Variants in OR4D9 observed in about 807,000 individuals in gnomAD.
OR4D9 encodes olfactory receptor family 4 subfamily D member 9, also known as olfactory receptor 4D9.
Under a neutral mutation model 0.8 loss-of-function variants are expected in OR4D9, and 2 were observed. The observed-to-expected ratio is 2.58, with a 90% CI of 1.06 to 8.13. The LOEUF is 8.13. Among genes scored for constraint, OR4D9 ranks in the 30% most tolerant of loss-of-function variants. The pLI, the probability that OR4D9 is intolerant of heterozygous loss-of-function variation, is 0.04. For synonymous variants in OR4D9, 146 were observed against 151.2 expected (o/e 0.97, Z 0.25); for missense variants, 399 against 384.7 (o/e 1.04, Z -0.31).
In OR4D9 at chr11:59,515,779, G is replaced by A; in HGVS notation, c.867G>A (p.Leu289=). 6.2e-7 allele frequency: 1 copy of A among 1,614,140 alleles called. No homozygotes were observed. The highest frequency in any genetic ancestry group is 8.5e-7 in the Non-Finnish European group (1 of 1,180,014). Residue 289 remains leucine (L), a synonymous_variant, in exon 3 of 3, where the codon CTG becomes CTA. Coordinates refer to ENST00000641962, the MANE Select transcript of OR4D9 (RefSeq NM_001004711.2). The stretch of plus-strand genomic sequence containing the variant: ...TGCTCAATCCTATAATTTACACGCT[G>A]AGGAATCAGGAAATGAAGTTGGCCA... ...SPLLNPIIYT[L]RNQEMKLAMR...
Position 59,515,282 on chromosome 11 carries a change from AT to A in OR4D9, c.371del (p.Ile124LysfsTer10), listed in dbSNP as rs1367410753. On this transcript the variant is annotated frameshift_variant, in exon 3 of 3. Transcript: ENST00000641962. LOFTEE classifies it low-confidence loss of function (END_TRUNC). ...CTCTGTGATGGCGTTTGACCGCTAT[AT>A]AGCCATCTCCAAGCCCCTGCACTAT... is the stretch of plus-strand genomic sequence containing the variant. ...SLSVMAFDRYIAISKPLHYMT... is the reference protein window; with the variant it reads ...SLSVMAFDRYXAISKPLHYMT... 2 of 1,612,652 alleles carry A rather than the reference AT, an allele frequency of 1.2e-6. No homozygotes were observed. Among genetic ancestry groups the A allele is most frequent in the Admixed American group, 3.3e-5 (2 of 59,814 alleles).
rs1231925529 is a variant in OR4D9, at chr11:59,515,888, A to G, written c.*31A>G. 1 of 1,471,316 alleles carries G rather than the reference A, an allele frequency of 6.8e-7. No individual in the cohort carries two copies. Among genetic ancestry groups the G allele is most frequent in the South Asian group, 1.3e-5 (1 of 76,532 alleles). 91.1% of individuals were successfully genotyped at this position (1,471,316 alleles called of 1,614,324 possible). A position where few individuals can be genotyped will look rare whatever the true frequency, so the allele number is the denominator to read the frequency against. On this transcript the variant is annotated 3_prime_UTR_variant, in exon 3 of 3. Coordinates refer to ENST00000641962, the MANE Select transcript of OR4D9 (RefSeq NM_001004711.2). ...AGATAGTACCCATATTTAAAGATAG[A>G]CATTAAATTTCACTTTCTCAAAATG... is the stretch of plus-strand genomic sequence containing the variant.
intron 1 of OR4D9, among the ~76,000 whole-genome samples, chr11:59,512,291 TTC>T (rs1859336916): frequency 1.4e-5 from 2 of 144,442 alleles, no homozygotes; most frequent in South Asian, 4.5e-4. Flanking sequence ...ATGATTTTTT[TTC>T]TTTTTTCTTT....
rs1334816181 is a variant in OR4D9, at chr11:59,517,693, TG to T, written c.*1838del. The T allele has an allele frequency of 6.6e-6, 1 of 152,036 alleles. No homozygotes were observed. Among genetic ancestry groups the T allele is most frequent in the Non-Finnish European group, 1.5e-5 (1 of 68,034 alleles). 9.4% of individuals were successfully genotyped at this position (152,036 alleles called of 1,614,324 possible). On this transcript the variant is annotated 3_prime_UTR_variant, in exon 3 of 3. Transcript: ENST00000641962. ...AAAAATACAAAAATTAAGCCGGGTGTGGTGGTAAGCGCCTGTAATCCCAGCT... is the reference window on the plus strand; with the variant it reads ...AAAAATACAAAAATTAAGCCGGGTGTGTGGTAAGCGCCTGTAATCCCAGCT...
chr11:59,513,383 C>A (rs1421814858), intron 1 of OR4D9, among the ~76,000 whole-genome samples: 1 of 152,156 alleles, frequency 6.6e-6, no homozygotes, highest in African/African-American at 2.4e-5. Context: ...GCAGAATATG[C>A]CTACTGGTGT....
In OR4D9 at chr11:59,515,122, C is replaced by A. The variant is rs147488493; in HGVS notation, c.210C>A (p.Asp70Glu). 1 of 1,614,160 alleles carries A rather than the reference C, an allele frequency of 6.2e-7. No individual in the cohort carries two copies. Among genetic ancestry groups the A allele is most frequent in the Non-Finnish European group, 8.5e-7 (1 of 1,180,008 alleles). The stretch of plus-strand genomic sequence containing the variant: ...TGCTCCGCAACCTGTCTATTCTTGA[C>A]ATCTGCTTTTCCTCCATCACAGCTC... ...YFLLRNLSIL[D>E]ICFSSITAPK... The change falls in exon 3 of 3, where the codon GAC becomes GAA. Residue 70 changes from aspartate (D) to glutamate (E), a missense_variant. Physicochemically the swap from Asp to Glu is conservative, Grantham distance 45 (BLOSUM62 2). Transcript: ENST00000641962.
intron 1 of OR4D9, among the ~76,000 whole-genome samples, chr11:59,513,990 A>C (rs1859366247): frequency 6.6e-6 from 1 of 152,124 alleles, no homozygotes; most frequent in Non-Finnish European, 1.5e-5. Flanking sequence ...AAAAAATAAC[A>C]GTGCTGCTAT....
In OR4D9 at chr11:59,515,501, C is replaced by A. The variant is rs1466644804; in HGVS notation, c.589C>A (p.Leu197Ile). The change falls in exon 3 of 3, where the codon CTC becomes ATC. Residue 197 changes from leucine to isoleucine, a missense_variant. Coordinates refer to ENST00000641962, the MANE Select transcript of OR4D9 (RefSeq NM_001004711.2). Reference sequence around the variant, plus strand: ...CTGCACTGACACCTTCACTCTGGAGCTCCTGATGATTTCAAATAATGGGTT... The same window carrying A: ...CTGCACTGACACCTTCACTCTGGAGATCCTGATGATTTCAAATAATGGGTT... ...LACTDTFTLE[L>I]LMISNNGLVS... 6.2e-7 allele frequency: 1 copy of A among 1,614,038 alleles called. No homozygotes were observed. The highest frequency in any genetic ancestry group is 8.5e-7 in the Non-Finnish European group (1 of 1,180,020).
In OR4D9 at chr11:59,519,207, G is replaced by T. The variant is rs772513895; in HGVS notation, c.*3350G>T. The T allele has an allele frequency of 1.3e-4, 20 of 152,064 alleles. No individual in the cohort carries two copies. Among genetic ancestry groups the T allele is most frequent in the Non-Finnish European group, 2.8e-4 (19 of 68,104 alleles). 9.4% of individuals were successfully genotyped at this position (152,064 alleles called of 1,614,324 possible). On this transcript the variant is annotated 3_prime_UTR_variant, in exon 3 of 3. Transcript: ENST00000641962. Reference sequence around the variant, plus strand: ...ATCTCTACAAAAAATATAAAAATTAGCAGAGCATGGTGGCACACGCCTGTA... The same window carrying T: ...ATCTCTACAAAAAATATAAAAATTATCAGAGCATGGTGGCACACGCCTGTA...
rs1200188709 is a variant in OR4D9, at chr11:59,520,698, T to G, written c.*4841T>G. 2 of 152,064 alleles carry G rather than the reference T, an allele frequency of 1.3e-5. No individual in the cohort carries two copies. The highest frequency in any genetic ancestry group is 1.5e-5 in the Non-Finnish European group (1 of 68,008). The allele number at this position is 152,064 out of a possible 1,614,324, so 9.4% of individuals were successfully genotyped here. A position where few individuals can be genotyped will look rare whatever the true frequency, so the allele number is the denominator to read the frequency against. On this transcript the variant is annotated 3_prime_UTR_variant, in exon 3 of 3. Transcript: ENST00000641962. ...CTTTTCCTTGCAATGATTGTTACAATGTGCTTTGGACAAGGCAATTTTATA... is the reference window on the plus strand; with the variant it reads ...CTTTTCCTTGCAATGATTGTTACAAGGTGCTTTGGACAAGGCAATTTTATA...
At chr11:59,513,358 A>C (rs1859355457) in intron 1 of OR4D9, among the ~76,000 whole-genome samples, 1 of 152,132 alleles carries the variant, frequency 6.6e-6, no homozygotes, top group South Asian at 2.1e-4. Context: ...CAACTCAATG[A>C]ATGTTTTTAC....
intron 1 of OR4D9, among the ~76,000 whole-genome samples, chr11:59,512,862 C>T (rs1590636168): frequency 6.6e-6 from 1 of 152,070 alleles, no homozygotes; most frequent in African/African-American, 2.4e-5. Flanking sequence ...AAAATGTTTA[C>T]TCTCAGATGA....
At chr11:59,514,525 G>A (rs1420411158) in intron 1 of OR4D9, 148 bp from the exon 2 acceptor site, 1 of 162,276 alleles carries the variant, frequency 6.2e-6, no homozygotes, top group African/African-American at 2.4e-5. Context: ...TCCATTTGCA[G>A]GTTATCTTTG....
At position 59,515,459 on chromosome 11, in the gene OR4D9, C is replaced by A. The variant is rs1209097004; in HGVS notation, c.547C>A (p.Gln183Lys). Residue 183 changes from glutamine to lysine, a missense_variant, in exon 3 of 3, where the codon CAG becomes AAG. By Grantham distance (53) the Gln-to-Lys change is moderately conservative (BLOSUM62 1). Transcript: ENST00000641962. ...TGACACTTTCTACTGCGATGTCCCC[C>A]AGGTCCTCAAACTTGCCTGCACTGA... is the stretch of plus-strand genomic sequence containing the variant. ...VLDTFYCDVPQVLKLACTDTF... is the reference protein window; with the variant it reads ...VLDTFYCDVPKVLKLACTDTF... 3.7e-6 allele frequency: 6 copies of A among 1,614,044 alleles called. No individual in the cohort carries two copies. The highest frequency in any genetic ancestry group is 5.1e-6 in the Non-Finnish European group (6 of 1,180,028).
chr11:59,515,772 A>G lies in OR4D9; in HGVS notation c.860A>G (p.Tyr287Cys). Residue 287 changes from tyrosine to cysteine, a missense_variant, in exon 3 of 3, where the codon TAC (tyrosine) becomes TGC (cysteine). By Grantham distance (194) the Tyr-to-Cys change is radical. Coordinates refer to ENST00000641962, the MANE Select transcript of OR4D9 (RefSeq NM_001004711.2). ...VISPLLNPII[Y>C]TLRNQEMKLA... Reference sequence around the variant, plus strand: ...TCCCCTTTGCTCAATCCTATAATTTACACGCTGAGGAATCAGGAAATGAAG... The same window carrying G: ...TCCCCTTTGCTCAATCCTATAATTTGCACGCTGAGGAATCAGGAAATGAAG... The G allele has an allele frequency of 6.2e-7, 1 of 1,614,142 alleles. No individual in the cohort carries two copies. The highest frequency in any genetic ancestry group is 8.5e-7 in the Non-Finnish European group (1 of 1,180,024).
rs1483444589 is a variant in OR4D9, at chr11:59,515,864, G to A, written c.*7G>A. On this transcript the variant is annotated 3_prime_UTR_variant, in exon 3 of 3. Transcript: ENST00000641962. Reference sequence around the variant, plus strand: ...AAGGATTTTAATTCAATAAGGGTAAGATAGTACCCATATTTAAAGATAGAC... The same window carrying A: ...AAGGATTTTAATTCAATAAGGGTAAAATAGTACCCATATTTAAAGATAGAC... 7 of 1,538,644 alleles carry A rather than the reference G, an allele frequency of 4.5e-6. No individual in the cohort carries two copies. Among genetic ancestry groups the A allele is most frequent in the Non-Finnish European group, 4.4e-6 (5 of 1,127,816 alleles).
chr11:59,511,954 A>T lies in OR4D9; in HGVS notation c.-125+208A>T, dbSNP rs117492152. 1.3e-3 allele frequency among the ~76,000 whole-genome samples: 199 copies of T among 152,280 alleles called. 1 individual carries two copies. The East Asian group carries it at 0.035, about 27-fold the overall frequency. ...AGGCAGTAATTCCTGAGTTTAGTAGATGCAGTTTTGCCTCTTGGCTGGGAA... is the reference window on the plus strand; with the variant it reads ...AGGCAGTAATTCCTGAGTTTAGTAGTTGCAGTTTTGCCTCTTGGCTGGGAA... On this transcript the variant is annotated intron_variant, in intron 1 of 2. Transcript: ENST00000641962.
rs1565095282 is a variant in OR4D9, at chr11:59,520,558, T to C, written c.*4701T>C. 6.6e-6 allele frequency: 1 copy of C among 151,850 alleles called. No homozygotes were observed. Among genetic ancestry groups the C allele is most frequent in the African/African-American group, 2.4e-5 (1 of 41,332 alleles). 9.4% of individuals were successfully genotyped at this position (151,850 alleles called of 1,614,324 possible). On this transcript the variant is annotated 3_prime_UTR_variant, in exon 3 of 3. Transcript: ENST00000641962. ...CACACCAGCATGGCACATGTATATGTATGTAACTAACCTGCACATTGTGCA... is the reference window on the plus strand; with the variant it reads ...CACACCAGCATGGCACATGTATATGCATGTAACTAACCTGCACATTGTGCA...
chr11:59,516,012 A>T lies in OR4D9; in HGVS notation c.*155A>T. The T allele has an allele frequency of 1.6e-6, 1 of 613,712 alleles. No individual in the cohort carries two copies. The highest frequency in any genetic ancestry group is 2.2e-5 in the South Asian group (1 of 46,184). 38.0% of individuals were successfully genotyped at this position (613,712 alleles called of 1,614,324 possible). Reference sequence around the variant, plus strand: ...ATCATATATGTTGGGGACCACGTGGATGATACTGCTCTAAGACAAAATCCA... The same window carrying T: ...ATCATATATGTTGGGGACCACGTGGTTGATACTGCTCTAAGACAAAATCCA... On this transcript the variant is annotated 3_prime_UTR_variant, in exon 3 of 3. Coordinates refer to ENST00000641962, the MANE Select transcript of OR4D9 (RefSeq NM_001004711.2).
Sources: allele counts gnomAD v4.1 joint callset (sites outside exome capture counted in the v4.1 genomes callset), GRCh38; gene constraint gnomAD v4.1.1; transcripts MANE v1.5; gene names NCBI Gene and HGNC (gene_info 2026-07-23, HGNC 2026-07-21).